The following FANCC variants were observed in gnomAD, a reference collection of about 807,000 sequenced individuals.
The protein encoded by FANCC is FA complementation group C.
Under a neutral mutation model 71.3 loss-of-function variants are expected in FANCC, and 55 were observed. That is an observed-to-expected ratio of 0.77 (90% CI 0.62 to 0.97). The LOEUF is 0.97. Among genes scored for constraint, FANCC ranks in the 50% least tolerant of loss-of-function variants. FANCC has a pLI of 0.00. For synonymous variants in FANCC, 275 were observed against 244.9 expected (o/e 1.12, Z -1.15); for missense variants, 678 against 670.9 (o/e 1.01, Z -0.12).
chr9:95,293,168 C>T, intron 1 of FANCC: 2 of 1,612,838 alleles, frequency 1.2e-6, no homozygotes, highest in Non-Finnish European at 1.7e-6. Flanking sequence ...GGCTCTAACA[C>T]TGACAAGCAG....
intron 4 of FANCC, among the ~76,000 whole-genome samples, chr9:95,211,040 G>A (rs773897632): frequency 2.0e-5 from 3 of 152,136 alleles, no homozygotes; most frequent in Non-Finnish European, 4.4e-5. Context: ...GTTGTCTTCA[G>A]GACTTCTAAC....
intron 4 of FANCC, among the ~76,000 whole-genome samples, chr9:95,202,515 C>T (rs2135813206): frequency 6.6e-6 from 1 of 152,320 alleles, no homozygotes; most frequent in South Asian, 2.1e-4. Context: ...CAGCTTCCCA[C>T]CAGTGAGTCA....
chr9:95,193,718 A>T (rs567358272), intron 4 of FANCC, among the ~76,000 whole-genome samples: 26 of 152,338 alleles, frequency 1.7e-4, no homozygotes, highest in Middle Eastern at 3.4e-3. Flanking sequence ...GTCAAAATGT[A>T]AAGGGTGCCC....
chr9:95,146,353 T>C (rs146134927), intron 7 of FANCC, among the ~76,000 whole-genome samples: 2 of 151,776 alleles, frequency 1.3e-5, no homozygotes, highest in East Asian at 3.9e-4. Flanking sequence ...CCAGGCATGG[T>C]AGCACACACC....
intron 1 of FANCC, among the ~76,000 whole-genome samples, chr9:95,252,231 C>A (rs559901743): frequency 3.7e-5 from 5 of 135,212 alleles, no homozygotes; most frequent in African/African-American, 1.4e-4. Flanking sequence ...GAGCCGAGAC[C>A]GCACCATTGC....
intron 9 of FANCC, 54 bp from the exon 10 acceptor site, chr9:95,125,239 T>C: frequency 7.1e-7 from 1 of 1,418,014 alleles, no homozygotes; most frequent in African/African-American, 1.4e-5. Flanking sequence ...CCGGCAAACA[T>C]GAAAACCTGC....
intron 1 of FANCC, among the ~76,000 whole-genome samples, chr9:95,278,066 T>G (rs751490177): frequency 1.3e-5 from 2 of 152,154 alleles, no homozygotes; most frequent in Non-Finnish European, 2.9e-5. Context: ...CTATAACATA[T>G]AGAAAGGAAT....
chr9:95,270,074 G>A (rs1205735611), intron 1 of FANCC, among the ~76,000 whole-genome samples: 1 of 152,144 alleles, frequency 6.6e-6, no homozygotes, highest in Non-Finnish European at 1.5e-5. Flanking sequence ...TAGATTAACA[G>A]AATCTCAAGG....
In FANCC at chr9:95,102,404, G is replaced by A. The variant is rs4647549; in HGVS notation, c.1534-554C>T. 3.7e-3 allele frequency among the ~76,000 whole-genome samples: 557 copies of A among 152,286 alleles called. 15 individuals are homozygous for A. In the East Asian group the frequency reaches 0.05, roughly 14 times the overall value. On this transcript the variant is annotated intron_variant, in intron 14 of 14. Transcript: ENST00000289081. ...CAGGAGACACAGCCTCAAGGCATTC[G>A]TACTTGTTGGTGCCTGTAAGTATTT...
chr9:95,300,064 T>C (rs1428933353), intron 1 of FANCC, among the ~76,000 whole-genome samples: 1 of 152,214 alleles, frequency 6.6e-6, no homozygotes, highest in Non-Finnish European at 1.5e-5. Context: ...CCACTTGATA[T>C]TAGCGGCCAG....
intron 4 of FANCC, among the ~76,000 whole-genome samples, chr9:95,229,612 G>C (rs1472922329): frequency 6.6e-6 from 1 of 152,164 alleles, no homozygotes; most frequent in Non-Finnish European, 1.5e-5. Flanking sequence ...AAGTTTTGGG[G>C]AAAAGATCAG....
intron 1 of FANCC, among the ~76,000 whole-genome samples, chr9:95,289,795 C>A (rs920859945): frequency 2.6e-5 from 4 of 152,108 alleles, no homozygotes; most frequent in Non-Finnish European, 5.9e-5. Context: ...AGACTATAGG[C>A]ACATGCCACC....
At chr9:95,184,379 A>T (rs553658327) in intron 4 of FANCC, among the ~76,000 whole-genome samples, 1 of 152,276 alleles carries the variant, frequency 6.6e-6, no homozygotes, top group East Asian at 1.9e-4. Flanking sequence ...GCAAACAAAG[A>T]CAAACTAGAA....
At chr9:95,266,032 A>T (rs980885562) in intron 1 of FANCC, among the ~76,000 whole-genome samples, 2 of 152,234 alleles carry the variant, frequency 1.3e-5, no homozygotes, top group Non-Finnish European at 2.9e-5. Context: ...CAGGTCAGGA[A>T]GCATGAGCAG....
intron 4 of FANCC, among the ~76,000 whole-genome samples, chr9:95,228,262 G>A (rs530026010): frequency 4.6e-5 from 7 of 152,252 alleles, no homozygotes; most frequent in South Asian, 4.1e-4. Context: ...CAACACTCTC[G>A]CAGCACTATT....
At chr9:95,288,153 ATTTCT>A in intron 1 of FANCC, among the ~76,000 whole-genome samples, 1 of 152,318 alleles carries the variant, frequency 6.6e-6, no homozygotes, top group Non-Finnish European at 1.5e-5. Flanking sequence ...TGGAATAATT[ATTTCT>A]TTTATCTAAA....
intron 6 of FANCC, among the ~76,000 whole-genome samples, chr9:95,166,120 T>C (rs1831052202): frequency 6.6e-6 from 1 of 152,104 alleles, no homozygotes; most frequent in Non-Finnish European, 1.5e-5. Flanking sequence ...CCTATGTATC[T>C]CAAGTGAGTC....
chr9:95,162,182 C>T (rs1468215873), intron 6 of FANCC, among the ~76,000 whole-genome samples: 3 of 152,176 alleles, frequency 2.0e-5, no homozygotes, highest in Admixed American at 2.0e-4. Context: ...TTAGATACCA[C>T]ACATAAGTGT....
intron 12 of FANCC, among the ~76,000 whole-genome samples, chr9:95,113,555 A>G (rs1053045668): frequency 6.6e-6 from 1 of 151,944 alleles, no homozygotes; most frequent in Non-Finnish European, 1.5e-5. Flanking sequence ...GCACGACGGG[A>G]GGCCAAGGCA....
Sources: allele counts gnomAD v4.1 joint callset (sites outside exome capture counted in the v4.1 genomes callset), GRCh38; gene constraint gnomAD v4.1.1; transcripts MANE v1.5; gene names NCBI Gene and HGNC (gene_info 2026-07-23, HGNC 2026-07-21).